EFEMP1: variants seen among roughly 807,000 people sequenced by gnomAD.
The protein encoded by EFEMP1 is EGF-containing fibulin-like extracellular matrix protein 1.
In EFEMP1, 18 loss-of-function variants were observed where a neutral mutation model predicts 65.7. The ratio of observed to expected loss-of-function variants is 0.27; its 90% CI spans 0.19 to 0.41. EFEMP1 has a LOEUF of 0.41. Ranked by LOEUF, EFEMP1 falls within the 10% of genes least tolerant of loss-of-function variation. EFEMP1 has a pLI of 1.00. For missense variants in EFEMP1, 469 were observed against 624.8 expected (o/e 0.75, Z 2.66); for synonymous variants, 237 against 219.7 (o/e 1.08, Z -0.70).
chr2:55,901,278 T>C (rs1214710526), intron 5 of EFEMP1, among the ~76,000 whole-genome samples: 1 of 152,204 alleles, frequency 6.6e-6, no homozygotes, highest in Non-Finnish European at 1.5e-5. Context: ...AGCATGTGAG[T>C]ACATGTTAAT....
chr2:55,867,270 A>AT lies in EFEMP1; in HGVS notation c.1321-37dup. 6.2e-7 allele frequency: 1 copy of AT among 1,603,126 alleles called. No homozygotes were observed. The highest frequency in any genetic ancestry group is 8.5e-7 in the Non-Finnish European group (1 of 1,173,914). Reference sequence around the variant, plus strand: ...AGAAAATAGAGAAAGGAAGAGAATAATTTTCTTGGATTGGAGTTTCTATGC... The same window carrying AT: ...AGAAAATAGAGAAAGGAAGAGAATAATTTTTCTTGGATTGGAGTTTCTATGC... On this transcript the variant is annotated intron_variant, in intron 11 of 11. Coordinates refer to ENST00000355426, the MANE Select transcript of EFEMP1 (RefSeq NM_001039348.3). The surrounding 1 kb of genome is among the most constrained non-coding windows in gnomAD (Gnocchi z 4.3).
At chr2:55,875,950 G>C (rs1381635560) in intron 8 of EFEMP1, among the ~76,000 whole-genome samples, 1 of 152,030 alleles carries the variant, frequency 6.6e-6, no homozygotes, top group Non-Finnish European at 1.5e-5. Flanking sequence ...TTTGTGTAAA[G>C]CTGAGTGAAC....
In EFEMP1 at chr2:55,922,599, C is replaced by A; in HGVS notation, c.-7-152G>T. 1.4e-6 allele frequency: 1 copy of A among 723,576 alleles called. No individual in the cohort carries two copies. The highest frequency in any genetic ancestry group is 2.9e-5 in the East Asian group (1 of 34,092). The allele number at this position is 723,576 out of a possible 1,614,324, so 44.8% of individuals were successfully genotyped here. A position where few individuals can be genotyped will look rare whatever the true frequency, so the allele number is the denominator to read the frequency against. On this transcript the variant is annotated intron_variant, in intron 2 of 11. Transcript: ENST00000355426. This position sits in a 1 kb window ranked among gnomAD's most constrained non-coding sequence, Gnocchi z 5.5. ...CAATCTGCTTTCTCATCTCCCCTCC[C>A]CCTCCTGAACCTTCTCGGTAGCCAA...
intron 5 of EFEMP1, among the ~76,000 whole-genome samples, chr2:55,893,489 C>T (rs1669708346): frequency 6.6e-6 from 1 of 152,148 alleles, no homozygotes; most frequent in Admixed American, 6.5e-5. Flanking sequence ...ATCCAAGCAA[C>T]ATCACGTTTT....
rs1668568893 is a variant in EFEMP1 at position 55,866,194 on chromosome 2, G to T, written c.*879C>A. The T allele has an allele frequency of 6.6e-6, 1 of 152,170 alleles. No homozygotes were observed. The highest frequency in any genetic ancestry group is 2.1e-4 in the South Asian group (1 of 4,828). The allele number at this position is 152,170 out of a possible 1,614,324, so 9.4% of individuals were successfully genotyped here. ...GAAATTTTAGTTATAAATTAGTGAA[G>T]TGTTAGGATTTAAATTTTACTTAGA... is the stretch of plus-strand genomic sequence containing the variant. On this transcript the variant is annotated 3_prime_UTR_variant, in exon 12 of 12. Transcript: ENST00000355426.
At chr2:55,889,026 G>A (rs1669534704) in intron 5 of EFEMP1, among the ~76,000 whole-genome samples, 1 of 152,158 alleles carries the variant, frequency 6.6e-6, no homozygotes, top group Admixed American at 6.5e-5. Flanking sequence ...ACATTCAACT[G>A]AGTCTACCAA....
intron 8 of EFEMP1, among the ~76,000 whole-genome samples, chr2:55,875,791 C>T (rs920249584): frequency 6.6e-6 from 1 of 152,116 alleles, no homozygotes; most frequent in African/African-American, 2.4e-5. Context: ...TTGGCAGGAT[C>T]TGACTTTCAG....
intron 9 of EFEMP1, among the ~76,000 whole-genome samples, chr2:55,874,630 G>A (rs913997188): frequency 1.3e-5 from 2 of 152,056 alleles, no homozygotes; most frequent in Non-Finnish European, 2.9e-5. Flanking sequence ...ACTCACAGGT[G>A]AAACATTTTA....
At chr2:55,880,380 GC>G (rs1669195638) in intron 6 of EFEMP1, among the ~76,000 whole-genome samples, 1 of 152,096 alleles carries the variant, frequency 6.6e-6, no homozygotes, top group Non-Finnish European at 1.5e-5. Context: ...TACTTTTTAT[GC>G]CCTCAAATAT....
At chr2:55,887,526 C>A (rs974280269) in intron 5 of EFEMP1, among the ~76,000 whole-genome samples, 1 of 152,130 alleles carries the variant, frequency 6.6e-6, no homozygotes, top group Admixed American at 6.5e-5. Context: ...TCAGATTTAT[C>A]TGGGCCAAAT....
intron 4 of EFEMP1, 76 bp downstream of exon 4, chr2:55,918,143 G>A: frequency 6.2e-7 from 1 of 1,611,836 alleles, no homozygotes; most frequent in South Asian, 1.1e-5. Flanking sequence ...GTATAACACA[G>A]ACAGGACAGG....
At position 55,921,500 on chromosome 2, in the gene EFEMP1, G is replaced by A; in HGVS notation, c.81+860C>T. Among the ~76,000 whole-genome samples, 1 of 152,158 alleles carries A rather than the reference G, an allele frequency of 6.6e-6. No individual in the cohort carries two copies. Among genetic ancestry groups the A allele is most frequent in the East Asian group, 1.9e-4 (1 of 5,196 alleles). On this transcript the variant is annotated intron_variant, in intron 3 of 11. Coordinates refer to ENST00000355426, the MANE Select transcript of EFEMP1 (RefSeq NM_001039348.3). This position sits in a 1 kb window ranked among gnomAD's most constrained non-coding sequence, Gnocchi z 4.1. ...TAAACTGGGAGCAGTAGAAAAATGT[G>A]CTTTTCATATTCCAATCCAGGACAA... is the stretch of plus-strand genomic sequence containing the variant.
rs1668601630 is a variant in EFEMP1, at chr2:55,867,032, T to G, written c.*41A>C. The G allele has an allele frequency of 2.5e-6, 4 of 1,611,026 alleles. No homozygotes were observed. In the Middle Eastern group the frequency reaches 8.9e-4, roughly 360 times the overall value. Reference sequence around the variant, plus strand: ...ATAGTGCTTTAAGGTAACAATATTCTTTGGCTGACTTAAATGCCTGTGGTT... The same window carrying G: ...ATAGTGCTTTAAGGTAACAATATTCGTTGGCTGACTTAAATGCCTGTGGTT... On this transcript the variant is annotated 3_prime_UTR_variant, in exon 12 of 12. Coordinates refer to ENST00000355426, the MANE Select transcript of EFEMP1 (RefSeq NM_001039348.3). This position sits in a 1 kb window ranked among gnomAD's most constrained non-coding sequence, Gnocchi z 4.3.
At chr2:55,893,869 T>C (rs1669720852) in intron 5 of EFEMP1, among the ~76,000 whole-genome samples, 1 of 152,208 alleles carries the variant, frequency 6.6e-6, no homozygotes, top group Admixed American at 6.5e-5. Context: ...TAACACCCAA[T>C]CAACAGGAGC....
At chr2:55,900,478 T>C (rs1669989748) in intron 5 of EFEMP1, among the ~76,000 whole-genome samples, 1 of 152,176 alleles carries the variant, frequency 6.6e-6, no homozygotes, top group South Asian at 2.1e-4. Flanking sequence ...TGGAGAAATC[T>C]GGAAAATAAT....
intron 5 of EFEMP1, among the ~76,000 whole-genome samples, chr2:55,911,574 A>G (rs969779216): frequency 6.6e-6 from 1 of 152,160 alleles, no homozygotes; most frequent in African/African-American, 2.4e-5. Flanking sequence ...ATAATCCCAG[A>G]ACCAGATTGC....
chr2:55,872,693 G>A (rs1668859623), intron 9 of EFEMP1, among the ~76,000 whole-genome samples: 1 of 152,118 alleles, frequency 6.6e-6, no homozygotes, highest in African/African-American at 2.4e-5. Context: ...CTCAAGAACA[G>A]ACTGGGAAAG....
In EFEMP1 at chr2:55,923,182, T is replaced by C. The variant is rs1670968139; in HGVS notation, c.-48-243A>G. 6.6e-6 allele frequency among the ~76,000 whole-genome samples: 1 copy of C among 152,160 alleles called. No homozygotes were observed. The highest frequency in any genetic ancestry group is 2.4e-5 in the African/African-American group (1 of 41,448). ...GGGCAGCCCAAAGCGACTGATTCTC[T>C]TTTGTCTTATCAGTCTGGGTCCCCG... is the stretch of plus-strand genomic sequence containing the variant. On this transcript the variant is annotated intron_variant, in intron 1 of 11. Coordinates refer to ENST00000355426, the MANE Select transcript of EFEMP1 (RefSeq NM_001039348.3). This position sits in a 1 kb window ranked among gnomAD's most constrained non-coding sequence, Gnocchi z 5.3.
intron 5 of EFEMP1, among the ~76,000 whole-genome samples, chr2:55,884,355 C>T (rs1669350035): frequency 6.6e-6 from 1 of 152,168 alleles, no homozygotes; most frequent in Non-Finnish European, 1.5e-5. Context: ...TTATGTTTGG[C>T]TTTTCTACTT....
Sources: gnomAD v4.1 joint callset for allele counts (sites outside exome capture counted in the v4.1 genomes callset) on GRCh38, gnomAD v4.1.1 for gene constraint, Gnocchi (gnomAD v3.1) non-coding constraint, MANE v1.5 for transcripts, NCBI Gene and HGNC (gene_info 2026-07-23, HGNC 2026-07-21) for gene names.